GABRG3: variants seen among roughly 807,000 people sequenced by gnomAD.
GABRG3 encodes the protein gamma-aminobutyric acid receptor subunit gamma-3.
In GABRG3, 25 loss-of-function variants were observed where a neutral mutation model predicts 48.8. The ratio of observed to expected loss-of-function variants is 0.51; its 90% CI spans 0.37 to 0.72. The LOEUF is 0.72. Among genes scored for constraint, GABRG3 ranks in the 30% least tolerant of loss-of-function variants. The pLI is 0.00. For synonymous variants in GABRG3, 227 were observed against 217.6 expected, an observed-to-expected ratio of 1.04 and a Z score of -0.38; for missense variants, 394 against 577.9, an observed-to-expected ratio of 0.68 and a Z score of 3.26.
intron 3 of GABRG3, among the ~76,000 whole-genome samples, chr15:27,232,480 G>C (rs568145662): frequency 1.4e-4 from 22 of 152,286 alleles, no homozygotes; most frequent in Admixed American, 4.6e-4. Flanking sequence ...AATAAAGTTA[G>C]CATGTGGCCA....
At chr15:27,328,950 C>T in intron 5 of GABRG3, 62 bp downstream of exon 5, 3 of 1,305,154 alleles carry the variant, frequency 2.3e-6, no homozygotes, top group Non-Finnish European at 2.2e-6. Flanking sequence ...CCTGGTACTG[C>T]TTCTGTCAAA....
chr15:27,513,323 G>A (rs1048351401), intron 6 of GABRG3, among the ~76,000 whole-genome samples: 5 of 152,038 alleles, frequency 3.3e-5, no homozygotes, highest in East Asian at 1.9e-4. Context: ...GGTGGTGGGC[G>A]CCTGTAGTCC....
chr15:27,105,662 G>A (rs1218314273), intron 3 of GABRG3, among the ~76,000 whole-genome samples: 1 of 152,160 alleles, frequency 6.6e-6, no homozygotes, highest in Non-Finnish European at 1.5e-5. Flanking sequence ...ATTGGTGGGG[G>A]TATGGAGAAA....
chr15:27,161,512 G>GC (rs1354990173), intron 3 of GABRG3, among the ~76,000 whole-genome samples: 1 of 152,108 alleles, frequency 6.6e-6, no homozygotes, highest in Admixed American at 6.5e-5. Context: ...ATGAAGAAAA[G>GC]CTCTTAAAGA....
chr15:27,053,320 T>A (rs1265288774), intron 3 of GABRG3, among the ~76,000 whole-genome samples: 4 of 152,026 alleles, frequency 2.6e-5, no homozygotes, highest in African/African-American at 9.7e-5. Context: ...CACTAGAAAG[T>A]GAGTAAAGGA....
intron 5 of GABRG3, among the ~76,000 whole-genome samples, chr15:27,330,403 C>T (rs1462251637): frequency 6.6e-6 from 1 of 152,194 alleles, no homozygotes; most frequent in Non-Finnish European, 1.5e-5. Context: ...ACTTTTGCTT[C>T]TGCTCCTCGC....
intron 5 of GABRG3, among the ~76,000 whole-genome samples, chr15:27,425,448 C>CA (rs57986546): frequency 0.055 from 4,246 of 77,856 alleles, 92 homozygotes; most frequent in South Asian, 0.11. Flanking sequence ...ACTAAAAATA[C>CA]AAAAAAAAAA....
At chr15:27,259,612 G>A (rs1021885221) in intron 3 of GABRG3, among the ~76,000 whole-genome samples, 1 of 152,130 alleles carries the variant, frequency 6.6e-6, no homozygotes, top group African/African-American at 2.4e-5. Flanking sequence ...TCCATTGGTA[G>A]TAAGAGTTAA....
chr15:27,496,315 G>A (rs1890485709), intron 6 of GABRG3, among the ~76,000 whole-genome samples: 1 of 152,238 alleles, frequency 6.6e-6, no homozygotes, highest in South Asian at 2.1e-4. Flanking sequence ...GAGTGAGGCT[G>A]AGGCCACAGG....
chr15:27,049,344 C>T (rs1045949507), intron 3 of GABRG3, among the ~76,000 whole-genome samples: 1 of 152,212 alleles, frequency 6.6e-6, no homozygotes, highest in Non-Finnish European at 1.5e-5. Context: ...TTTATTTAAA[C>T]CCTCATATGG....
At chr15:27,100,382 G>A (rs1171328991) in intron 3 of GABRG3, among the ~76,000 whole-genome samples, 1 of 152,066 alleles carries the variant, frequency 6.6e-6, no homozygotes, top group Non-Finnish European at 1.5e-5. Context: ...GGTGTAACTG[G>A]AGAATTTTAC....
intron 5 of GABRG3, among the ~76,000 whole-genome samples, chr15:27,376,742 TC>T (rs1258165239): frequency 6.6e-6 from 1 of 152,148 alleles, no homozygotes; most frequent in Non-Finnish European, 1.5e-5. Context: ...AAACACTTTT[TC>T]CTCCTACACC....
chr15:26,975,672 A>G lies in GABRG3; in HGVS notation c.54-1330A>G, dbSNP rs1404271397. On this transcript the variant is annotated intron_variant, in intron 1 of 9. Coordinates refer to ENST00000615808, the MANE Select transcript of GABRG3 (RefSeq NM_033223.5). This position sits in a 1 kb window ranked among gnomAD's most constrained non-coding sequence, Gnocchi z 4.6. ...ATGAAATTTTATTTTTTAAATTAAC[A>G]TCTTGTTAATTATAGATAATTTAGA... Among the ~76,000 whole-genome samples the G allele has an allele frequency of 6.6e-6, 1 of 152,210 alleles. No individual in the cohort carries two copies. The highest frequency in any genetic ancestry group is 1.5e-5 in the Non-Finnish European group (1 of 68,040).
Position 27,328,816 on chromosome 15 carries a change from A to G in GABRG3, c.502A>G (p.Asn168Asp). The change falls in exon 5 of 10, where the codon AAT (asparagine) becomes GAT (aspartate). Residue 168 changes from asparagine to aspartate, a missense_variant. Physicochemically the swap from Asn to Asp is conservative, Grantham distance 23. Around this residue, in one of 3 missense-constraint regions of GABRG3, gnomAD observed 218 missense variants for 309.9 expected, o/e 0.70. Transcript: ENST00000615808. ...KILYTLRLTINAECQLQLHNF... is the reference protein window; with the variant it reads ...KILYTLRLTIDAECQLQLHNF... Reference sequence around the variant, plus strand: ...TTGGCTTTTTCGCAGGCTCACCATCAATGCTGAGTGCCAGCTGCAGCTGCA... The same window carrying G: ...TTGGCTTTTTCGCAGGCTCACCATCGATGCTGAGTGCCAGCTGCAGCTGCA... 1 of 1,613,888 alleles carries G rather than the reference A, an allele frequency of 6.2e-7. No individual in the cohort carries two copies.
chr15:27,521,556 A>C (rs574746077), intron 7 of GABRG3, among the ~76,000 whole-genome samples: 1 of 152,240 alleles, frequency 6.6e-6, no homozygotes, highest in South Asian at 2.1e-4. Context: ...AAGCAAAGAG[A>C]AGTCTATTGC....
intron 3 of GABRG3, among the ~76,000 whole-genome samples, chr15:27,234,072 C>T (rs1889884423): frequency 6.6e-6 from 1 of 152,030 alleles, no homozygotes; most frequent in Non-Finnish European, 1.5e-5. Flanking sequence ...TTCTGTTAGT[C>T]TAAGGAGATT....
intron 5 of GABRG3, among the ~76,000 whole-genome samples, chr15:27,391,843 C>T (rs1286986156): frequency 3.3e-5 from 5 of 152,144 alleles, no homozygotes; most frequent in Admixed American, 2.6e-4. Context: ...CAGTGTTGTT[C>T]GCTAACCATA....
At chr15:27,044,405 A>AC (rs1416298566) in intron 3 of GABRG3, among the ~76,000 whole-genome samples, 1 of 151,704 alleles carries the variant, frequency 6.6e-6, no homozygotes, top group Non-Finnish European at 1.5e-5. Context: ...TGACTAAAAG[A>AC]AAATATAAAT....
At chr15:27,150,243 C>T (rs1390523455) in intron 3 of GABRG3, among the ~76,000 whole-genome samples, 4 of 152,128 alleles carry the variant, frequency 2.6e-5, no homozygotes, top group Admixed American at 1.3e-4. Flanking sequence ...AAAATGTGAA[C>T]CTGTTTACAC....
Sources: gnomAD v4.1 joint callset for allele counts (sites outside exome capture counted in the v4.1 genomes callset) on GRCh38, gnomAD v4.1.1 for gene constraint, gnomAD v4.1.1 regional missense constraint, Gnocchi (gnomAD v3.1) non-coding constraint, MANE v1.5 for transcripts, NCBI Gene and HGNC (gene_info 2026-07-23, HGNC 2026-07-21) for gene names.